The following CENPH variants were observed in gnomAD, a reference collection of about 807,000 sequenced individuals.
CENPH encodes centromere protein H, also known as CENP-H.
CENPH carries 40 observed loss-of-function variants against 42.9 expected under a neutral mutation model. The observed-to-expected ratio is 0.93, with a 90% CI of 0.72 to 1.21. The LOEUF (loss-of-function observed/expected upper bound fraction) is 1.21, where lower values mean the gene tolerates loss of function less well. CENPH is among the 50% of genes most tolerant of loss of function. CENPH has a pLI of 0.00. For synonymous variants in CENPH, 88 were observed against 96.5 expected (o/e 0.91, Z 0.52); for missense variants, 302 against 292.9 (o/e 1.03, Z -0.23).
intron 5 of CENPH, among the ~76,000 whole-genome samples, chr5:69,201,248 C>T (rs2112089906): frequency 6.6e-6 from 1 of 152,278 alleles, no homozygotes; most frequent in East Asian, 1.9e-4. Context: ...TACTGTTTTG[C>T]TCCAGCCATA....
At chr5:69,189,991 A>G (rs777591073) in intron 1 of CENPH, among the ~76,000 whole-genome samples, 4 of 152,172 alleles carry the variant, frequency 2.6e-5, no homozygotes, top group Non-Finnish European at 5.9e-5. Context: ...TAGTCTAGGA[A>G]AGTGTTGAGC....
chr5:69,203,516 C>G (rs556243171), intron 7 of CENPH, among the ~76,000 whole-genome samples: 56 of 152,104 alleles, frequency 3.7e-4, no homozygotes, highest in African/African-American at 1.3e-3. Flanking sequence ...ACAGGCATGT[C>G]CTATCACACC....
intron 3 of CENPH, among the ~76,000 whole-genome samples, chr5:69,194,918 CTTTTTTTTTT>C (rs869047885): frequency 7.4e-6 from 1 of 136,004 alleles, no homozygotes; most frequent in Non-Finnish European, 1.6e-5. Context: ...GACTTTCTTT[CTTTTTTTTTT>C]TTTTTTTTAA....
intron 2 of CENPH, among the ~76,000 whole-genome samples, chr5:69,192,887 A>G (rs527373969): frequency 4.6e-5 from 7 of 152,174 alleles, no homozygotes; most frequent in Non-Finnish European, 1.0e-4. Flanking sequence ...ACCTGAGGTC[A>G]GGAGTTCGAG....
At chr5:69,201,373 G>C (rs956537538) in intron 5 of CENPH, among the ~76,000 whole-genome samples, 7 of 152,082 alleles carry the variant, frequency 4.6e-5, no homozygotes, top group Non-Finnish European at 7.3e-5. Flanking sequence ...TTCTCCACTA[G>C]ATTCTTTCCT....
At chr5:69,203,794 T>G (rs1748097286) in intron 7 of CENPH, among the ~76,000 whole-genome samples, 1 of 151,754 alleles carries the variant, frequency 6.6e-6, no homozygotes, top group Admixed American at 6.6e-5. Context: ...TGAGCCACAG[T>G]GCTGTGCCTC....
Position 69,203,746 on chromosome 5 carries a change from G to A in CENPH, c.487+776G>A, listed in dbSNP as rs1042432347. Among the ~76,000 whole-genome samples, 3 of 151,804 alleles carry A rather than the reference G, an allele frequency of 2.0e-5. No individual in the cohort carries two copies. The South Asian group carries it at 6.2e-4, about 31-fold the overall frequency. On this transcript the variant is annotated intron_variant, in intron 7 of 8. Coordinates refer to ENST00000283006, the MANE Select transcript of CENPH (RefSeq NM_022909.4). ...TCAAACTCCTGACCTCAAGTGATCC[G>A]TCTGCCTTGGCCTCCCAAAGTGCTG...
At chr5:69,193,266 A>T (rs1414973598) in intron 2 of CENPH, among the ~76,000 whole-genome samples, 1 of 152,042 alleles carries the variant, frequency 6.6e-6, no homozygotes, top group Non-Finnish European at 1.5e-5. Context: ...CAATAAAGGC[A>T]TCTATTTTAA....
Position 69,194,643 on chromosome 5 carries a change from G to A in CENPH, c.191-4G>A, listed in dbSNP as rs372313040. 181 of 1,555,674 alleles carry A rather than the reference G, an allele frequency of 1.2e-4. No homozygotes were observed. The highest frequency in any genetic ancestry group is 1.5e-4 in the Non-Finnish European group (169 of 1,139,580). On this transcript the variant is annotated splice_polypyrimidine_tract_variant and splice_region_variant and intron_variant, in intron 2 of 8. Transcript: ENST00000283006. ...AGTAACTTCAAAAAATTATTTATTT[G>A]CAGGTGAAGAAAAAACTCCAGAACA...
intron 5 of CENPH, 104 bp downstream of exon 5, chr5:69,197,213 G>T: frequency 1.7e-6 from 1 of 598,358 alleles, no homozygotes; most frequent in South Asian, 4.6e-5. Flanking sequence ...CTTTGTCTGG[G>T]GAATAAGGAA....
At chr5:69,199,864 G>T (rs536827477) in intron 5 of CENPH, among the ~76,000 whole-genome samples, 4 of 152,236 alleles carry the variant, frequency 2.6e-5, no homozygotes, top group Middle Eastern at 6.8e-3. Flanking sequence ...TGTAATCCCA[G>T]CACTTTGGGA....
At chr5:69,190,313 GT>G (rs1245770678) in intron 1 of CENPH, among the ~76,000 whole-genome samples, 1 of 152,162 alleles carries the variant, frequency 6.6e-6, no homozygotes, top group Admixed American at 6.6e-5. Flanking sequence ...CTATTTTTGT[GT>G]GACCACTCAA....
chr5:69,208,520 G>A (rs371778599), intron 8 of CENPH, among the ~76,000 whole-genome samples, 161 bp downstream of exon 8: 2 of 152,020 alleles, frequency 1.3e-5, no homozygotes, highest in South Asian at 2.1e-4. Context: ...CACCATGCCC[G>A]GCTAATTTTT....
intron 6 of CENPH, 37 bp from the exon 7 acceptor site, chr5:69,202,882 C>G: frequency 7.9e-7 from 1 of 1,270,234 alleles, no homozygotes; most frequent in South Asian, 1.3e-5. Context: ...TCCTTACATA[C>G]AGTAATGTGC....
chr5:69,205,198 A>G (rs986928994), intron 7 of CENPH, among the ~76,000 whole-genome samples: 5 of 150,910 alleles, frequency 3.3e-5, no homozygotes, highest in African/African-American at 1.2e-4. Context: ...GATTACAGGC[A>G]TGAGCCACCT....
At chr5:69,199,207 C>T (rs1208552785) in intron 5 of CENPH, among the ~76,000 whole-genome samples, 1 of 152,094 alleles carries the variant, frequency 6.6e-6, no homozygotes. Context: ...GAGACAGGGC[C>T]TCACTCTGTT....
intron 1 of CENPH, 45 bp downstream of exon 1, chr5:69,189,813 G>C: frequency 7.1e-7 from 1 of 1,417,144 alleles, no homozygotes; most frequent in Non-Finnish European, 9.2e-7. Flanking sequence ...TGGGCGTTGT[G>C]GCCCGGAACT....
intron 2 of CENPH, among the ~76,000 whole-genome samples, chr5:69,192,537 T>C (rs555060365): frequency 5.3e-5 from 8 of 152,292 alleles, no homozygotes; most frequent in African/African-American, 1.9e-4. Context: ...TCTGCTCTTT[T>C]AGAGGCCAAG....
intron 2 of CENPH, among the ~76,000 whole-genome samples, chr5:69,193,207 A>G (rs1747907835): frequency 1.3e-5 from 2 of 151,832 alleles, no homozygotes; most frequent in East Asian, 1.9e-4. Flanking sequence ...ATATATGTAT[A>G]TGTATATATA....
Sources: allele counts gnomAD v4.1 joint callset (sites outside exome capture counted in the v4.1 genomes callset), GRCh38; gene constraint gnomAD v4.1.1; transcripts MANE v1.5; gene names NCBI Gene and HGNC (gene_info 2026-07-23, HGNC 2026-07-21).